Variants in ZNF346 observed in about 807,000 individuals in gnomAD.
ZNF346 encodes double-stranded RNA-binding zinc finger protein JAZ.
Under a neutral mutation model 33.7 loss-of-function variants are expected in ZNF346, and 23 were observed. The ratio of observed to expected loss-of-function variants is 0.68; its 90% CI spans 0.49 to 0.97. ZNF346 has a LOEUF of 0.97. Among genes scored for constraint, ZNF346 ranks in the 50% least tolerant of loss-of-function variants. ZNF346 has a pLI of 0.00. For missense variants in ZNF346, 340 were observed against 371.1 expected (o/e 0.92, Z 0.69); for synonymous variants, 134 against 142.4 (o/e 0.94, Z 0.42).
chr5:177,041,952 C>T, intron 3 of ZNF346, 82 bp downstream of exon 3: 1 of 851,706 alleles, frequency 1.2e-6, no homozygotes. Context: ...GTCAGACTGT[C>T]TTGGCTTCAA....
At chr5:177,034,309 C>G (rs900805478) in intron 1 of ZNF346, among the ~76,000 whole-genome samples, 1 of 151,826 alleles carries the variant, frequency 6.6e-6, no homozygotes, top group African/African-American at 2.4e-5. Flanking sequence ...CCTTGACCTC[C>G]TGGGCTCAAG....
intron 6 of ZNF346, 102 bp downstream of exon 6, chr5:177,062,253 A>T (rs1238799573): frequency 2.1e-6 from 2 of 938,494 alleles, no homozygotes; most frequent in Non-Finnish European, 3.4e-6. Flanking sequence ...GAATCCTGGC[A>T]GTCTTTTTTC....
At chr5:177,063,817 G>A (rs866752511) in intron 6 of ZNF346, among the ~76,000 whole-genome samples, 6 of 152,194 alleles carry the variant, frequency 3.9e-5, no homozygotes, top group African/African-American at 1.2e-4. Flanking sequence ...GAGCCCAGGA[G>A]TTGGAGTGAG....
intron 5 of ZNF346, among the ~76,000 whole-genome samples, chr5:177,060,028 C>T (rs771670946): frequency 8.5e-5 from 13 of 152,264 alleles, no homozygotes; most frequent in Non-Finnish European, 1.5e-4. Context: ...CGTAGTGACG[C>T]GGAGGACATG....
At chr5:177,053,259 T>C (rs1213261663) in intron 5 of ZNF346, among the ~76,000 whole-genome samples, 1 of 141,310 alleles carries the variant, frequency 7.1e-6, no homozygotes, top group Non-Finnish European at 1.5e-5. Flanking sequence ...GAGGTTGCAG[T>C]GATCCAAGAT....
At chr5:177,073,827 G>GA (rs1491170859) in intron 8 of ZNF346, among the ~76,000 whole-genome samples, 2 of 136,492 alleles carry the variant, frequency 1.5e-5, no homozygotes, top group Non-Finnish European at 3.1e-5. Flanking sequence ...GCGGGCGGGG[G>GA]AGGGGGGGGG....
intron 6 of ZNF346, among the ~76,000 whole-genome samples, 154 bp downstream of exon 6, chr5:177,062,305 C>T (rs1348837638): frequency 1.3e-5 from 2 of 152,174 alleles, no homozygotes; most frequent in African/African-American, 2.4e-5. Context: ...CAAGTGTCTC[C>T]TCTATATGTA....
Position 177,035,718 on chromosome 5 carries a change from C to G in ZNF346, c.176-5408C>G, listed in dbSNP as rs1264997752. ...TGGCATGATCTCGGCTCACTGCAAC[C>G]TCCGCCTCCTGGGTTCAATCGATTC... On this transcript the variant is annotated intron_variant, in intron 1 of 6. Coordinates refer to ENST00000358149, the MANE Select transcript of ZNF346 (RefSeq NM_012279.4). Among the ~76,000 whole-genome samples, 7 of 150,790 alleles carry G rather than the reference C, an allele frequency of 4.6e-5. No homozygotes were observed. In the East Asian group the frequency reaches 1.4e-3, roughly 29 times the overall value.
Position 177,044,492 on chromosome 5 carries a change from C to T in ZNF346, c.476C>T (p.Ala159Val). ...TCGCACTACCTGGGGAAGACCCACGCAAAGAACTTAAAGCTGAAGCAGCAG... is the reference window on the plus strand; with the variant it reads ...TCGCACTACCTGGGGAAGACCCACGTAAAGAACTTAAAGCTGAAGCAGCAG... ...AQSHYLGKTH[A>V]KNLKLKQQST... The change falls in exon 4 of 7, where the codon GCA becomes GTA. Residue 159 changes from alanine to valine, a missense_variant. By Grantham distance (64) the Ala-to-Val change is moderately conservative. Transcript: ENST00000358149. The T allele has an allele frequency of 6.2e-7, 1 of 1,613,992 alleles. No individual in the cohort carries two copies. The highest frequency in any genetic ancestry group is 2.2e-5 in the East Asian group (1 of 44,884).
chr5:177,044,491 G>A lies in ZNF346; in HGVS notation c.475G>A (p.Ala159Thr), dbSNP rs139233067. ...GTCGCACTACCTGGGGAAGACCCAC[G>A]CAAAGAACTTAAAGCTGAAGCAGCA... ...AQSHYLGKTH[A>T]KNLKLKQQST... The change falls in exon 4 of 7, where the codon GCA (alanine) becomes ACA (threonine). Residue 159 changes from alanine (A) to threonine (T), a missense_variant. Ala to Thr is a moderately conservative substitution (Grantham distance 58). Coordinates refer to ENST00000358149, the MANE Select transcript of ZNF346 (RefSeq NM_012279.4). 24 of 1,613,848 alleles carry A rather than the reference G, an allele frequency of 1.5e-5. No homozygotes were observed. The highest frequency in any genetic ancestry group is 1.9e-5 in the Non-Finnish European group (23 of 1,180,012).
intron 4 of ZNF346, among the ~76,000 whole-genome samples, chr5:177,047,020 T>TA (rs1212687932): frequency 3.4e-4 from 47 of 136,496 alleles, no homozygotes; most frequent in African/African-American, 1.4e-3. Flanking sequence ...TTTAAAATTT[T>TA]TTTATTTATT....
chr5:177,024,163 C>A (rs1776370624), intron 1 of ZNF346, among the ~76,000 whole-genome samples: 2 of 142,348 alleles, frequency 1.4e-5, no homozygotes, highest in South Asian at 4.5e-4. Context: ...TGTATACACA[C>A]ACACACACAC....
At chr5:177,071,523 A>G (rs1783499128), downstream of ZNF346, among the ~76,000 whole-genome samples, 1 of 151,880 alleles carries the variant, frequency 6.6e-6, no homozygotes, top group Non-Finnish European at 1.5e-5. Flanking sequence ...CATCTCTACT[A>G]AAAATACAAA....
At chr5:177,043,033 G>C (rs886212349) in intron 3 of ZNF346, among the ~76,000 whole-genome samples, 1 of 152,106 alleles carries the variant, frequency 6.6e-6, no homozygotes, top group Middle Eastern at 3.2e-3. Flanking sequence ...TGTATTTTTA[G>C]TAGAGATAGG....
chr5:177,039,233 T>C (rs1779017921), intron 1 of ZNF346, among the ~76,000 whole-genome samples: 1 of 152,124 alleles, frequency 6.6e-6, no homozygotes, highest in Admixed American at 6.5e-5. Context: ...ATTTTGTTTA[T>C]AGAGTCATTT....
At position 177,067,876 on chromosome 5, in the gene ZNF346, G is replaced by A. The variant is rs1358506359; in HGVS notation, c.*3277G>A. ...TCCCAGCACTTTGGGAGGCCAAGGC[G>A]GGTGTATCACTTGCGGCCGGGAGTT... On this transcript the variant is annotated 3_prime_UTR_variant, in exon 7 of 7. Coordinates refer to ENST00000358149, the MANE Select transcript of ZNF346 (RefSeq NM_012279.4). Among the ~76,000 whole-genome samples the A allele has an allele frequency of 1.3e-5, 2 of 152,226 alleles. No individual in the cohort carries two copies. The highest frequency in any genetic ancestry group is 1.9e-4 in the East Asian group (1 of 5,186).
At chr5:177,025,796 A>G (rs1443278217) in intron 1 of ZNF346, among the ~76,000 whole-genome samples, 1 of 152,144 alleles carries the variant, frequency 6.6e-6, no homozygotes, top group East Asian at 1.9e-4. Context: ...TATGATTTCC[A>G]GGTATTTCCC....
intron 4 of ZNF346, among the ~76,000 whole-genome samples, chr5:177,048,045 T>C (rs918175501): frequency 6.6e-6 from 1 of 152,256 alleles, no homozygotes; most frequent in South Asian, 2.1e-4. Context: ...GTACTACATT[T>C]AATATTCGTC....
At chr5:177,029,047 T>C (rs1423723712) in intron 1 of ZNF346, among the ~76,000 whole-genome samples, 1 of 151,970 alleles carries the variant, frequency 6.6e-6, no homozygotes, top group Admixed American at 6.6e-5. Flanking sequence ...AGCCACACCT[T>C]GGTACATGTT....
Sources: gnomAD v4.1 joint callset for allele counts (sites outside exome capture counted in the v4.1 genomes callset) on GRCh38, gnomAD v4.1.1 for gene constraint, MANE v1.5 for transcripts, NCBI Gene and HGNC (gene_info 2026-07-23, HGNC 2026-07-21) for gene names.